MPP1: variants seen among roughly 807,000 people sequenced by gnomAD.
MPP1 encodes 55 kDa erythrocyte membrane protein.
MPP1 carries 6 observed loss-of-function variants against 38.2 expected under a neutral mutation model. The ratio of observed to expected loss-of-function variants is 0.16; its 90% CI spans 0.09 to 0.31. The LOEUF is 0.31. MPP1 is among the 10% of genes least tolerant of loss of function. MPP1 has a pLI of 1.00. For synonymous variants in MPP1, 153 were observed against 146.3 expected, an observed-to-expected ratio of 1.05 and a Z score of -0.33; for missense variants, 293 against 368.9, an observed-to-expected ratio of 0.79 and a Z score of 1.69.
chrX:154,786,013 T>A (rs1183683111), intron 6 of MPP1, among the ~76,000 whole-genome samples, 191 bp downstream of exon 6: 1 of 112,006 alleles, frequency 8.9e-6, no homozygotes, highest in African/African-American at 3.3e-5. Flanking sequence ...CTATTTGGGC[T>A]CCCTTGCCTG....
chrX:154,795,178 A>G (rs139070087), intron 1 of MPP1, among the ~76,000 whole-genome samples: 1 of 112,157 alleles, frequency 8.9e-6, no homozygotes, highest in East Asian at 2.8e-4. Context: ...GGTGACCTCA[A>G]ATGAGGGAAG....
intron 6 of MPP1, among the ~76,000 whole-genome samples, chrX:154,785,972 G>A (rs1382533527): frequency 8.9e-6 from 1 of 111,926 alleles, no homozygotes; most frequent in Non-Finnish European, 1.9e-5. Flanking sequence ...AAACGTTTAA[G>A]GAAGCAAGAG....
chrX:154,790,966 G>A lies in MPP1; in HGVS notation c.411+17C>T, dbSNP rs782571892. On this transcript the variant is annotated intron_variant, in intron 4 of 11. Transcript: ENST00000369534. ...GGAGACAATGGAAGGTCTTCATCTA[G>A]CATAGAAAATACCCACCATCGCCTT... The A allele has an allele frequency of 4.2e-6, 5 of 1,197,706 alleles. No homozygotes were observed. In the South Asian group the frequency reaches 8.9e-5, roughly 21 times the overall value.
Position 154,790,023 on chromosome X carries a change from C to G in MPP1, c.412-1G>C. ...ATGAGATCATTCCTTTGGTTTCTTT[C>G]TATTAAAAAAAATGGACATAAAATT... On this transcript the variant is annotated splice_acceptor_variant, in intron 4 of 11. Coordinates refer to ENST00000369534, the MANE Select transcript of MPP1 (RefSeq NM_002436.4). LOFTEE classifies it high-confidence loss of function. 1 of 1,163,024 alleles carries G rather than the reference C, an allele frequency of 8.6e-7. No homozygotes were observed. Among genetic ancestry groups the G allele is most frequent in the Non-Finnish European group, 1.2e-6 (1 of 857,298 alleles).
Position 154,805,460 on chromosome X carries a change from G to T in MPP1, c.-87C>A. 1 of 951,688 alleles carries T rather than the reference G, an allele frequency of 1.1e-6. No homozygotes were observed. Among genetic ancestry groups the T allele is most frequent in the Non-Finnish European group, 1.4e-6 (1 of 689,687 alleles). 78.4% of individuals were successfully genotyped at this position (951,688 alleles called of 1,213,427 possible). ...GGCCTGCGGGGCTGCGGAGAAGGCG[G>T]GAGACGCGGTGCGGCTGGGCCAGTC... On this transcript the variant is annotated 5_prime_UTR_variant, in exon 1 of 12. Coordinates refer to ENST00000369534, the MANE Select transcript of MPP1 (RefSeq NM_002436.4).
chrX:154,780,597 G>C (rs2071980662), intron 11 of MPP1, among the ~76,000 whole-genome samples: 1 of 111,556 alleles, frequency 9.0e-6, no homozygotes, highest in Non-Finnish European at 1.9e-5. Flanking sequence ...CTAAGTGTGT[G>C]TGCTCTTGGA....
In MPP1 at chrX:154,781,317, G is replaced by T; in HGVS notation, c.1150-4C>A. 2.4e-6 allele frequency: 2 copies of T among 842,469 alleles called. No individual in the cohort carries two copies. The highest frequency in any genetic ancestry group is 3.1e-6 in the Non-Finnish European group (2 of 642,047). The allele number at this position is 842,469 out of a possible 1,213,427, so 69.4% of individuals were successfully genotyped here. A position where few individuals can be genotyped will look rare whatever the true frequency, so the allele number is the denominator to read the frequency against. On this transcript the variant is annotated splice_region_variant and splice_polypyrimidine_tract_variant and intron_variant, in intron 10 of 11. Transcript: ENST00000369534. Reference sequence around the variant, plus strand: ...CTGTCCGAACAATTTTCAGGGTCTAGAAAAAAAAAAGAAGGGCGGCGGGGA... The same window carrying T: ...CTGTCCGAACAATTTTCAGGGTCTATAAAAAAAAAAGAAGGGCGGCGGGGA...
intron 1 of MPP1, among the ~76,000 whole-genome samples, chrX:154,794,288 G>T (rs1389115547): frequency 1.8e-5 from 2 of 111,580 alleles, no homozygotes; most frequent in Non-Finnish European, 3.8e-5. Flanking sequence ...CAGTCTCACA[G>T]GTGATCACTC....
At chrX:154,803,856 T>G (rs1278446194) in intron 1 of MPP1, among the ~76,000 whole-genome samples, 4 of 112,445 alleles carry the variant, frequency 3.6e-5, no homozygotes, top group Non-Finnish European at 7.5e-5. Flanking sequence ...ATAAATAGAT[T>G]TTTTAAAAAT....
Position 154,790,003 on chromosome X carries a change from A to G in MPP1, c.431T>C (p.Ile144Thr). 1 of 1,194,505 alleles carries G rather than the reference A, an allele frequency of 8.4e-7. No homozygotes were observed. The highest frequency in any genetic ancestry group is 1.1e-6 in the Non-Finnish European group (1 of 881,999). ...CTGGTTGGGAATTACTTTTAATGAGATCATTCCTTTGGTTTCTTTCTATTA... is the reference window on the plus strand; with the variant it reads ...CTGGTTGGGAATTACTTTTAATGAGGTCATTCCTTTGGTTTCTTTCTATTA... ...QKAMKETKGM[I>T]SLKVIPNQQS... Residue 144 changes from isoleucine to threonine, a missense_variant, in exon 5 of 12, where the codon ATC (isoleucine) becomes ACC (threonine). Transcript: ENST00000369534.
chrX:154,778,874 G>A lies in MPP1; in HGVS notation c.*303C>T. On this transcript the variant is annotated 3_prime_UTR_variant, in exon 12 of 12. Transcript: ENST00000369534. Reference sequence around the variant, plus strand: ...AAAGGAGGGCAGGCTTTAGAGGGATGGGGTCCATTGCTTTTGCTGTGCATC... The same window carrying A: ...AAAGGAGGGCAGGCTTTAGAGGGATAGGGTCCATTGCTTTTGCTGTGCATC... 3.4e-6 allele frequency: 1 copy of A among 293,869 alleles called. No homozygotes were observed. The highest frequency in any genetic ancestry group is 5.9e-6 in the Non-Finnish European group (1 of 168,418). 24.2% of individuals were successfully genotyped at this position (293,869 alleles called of 1,213,427 possible).
Position 154,779,042 on chromosome X carries a change from C to T in MPP1, c.*135G>A. 1.6e-6 allele frequency: 1 copy of T among 610,473 alleles called. No homozygotes were observed. The highest frequency in any genetic ancestry group is 3.7e-5 in the South Asian group (1 of 26,899). 50.3% of individuals were successfully genotyped at this position (610,473 alleles called of 1,213,427 possible). The stretch of plus-strand genomic sequence containing the variant: ...GAGCAAGAAGACTGAACCTTACTGG[C>T]TGAATTAGGATAGCTGCAGAGAGCT... On this transcript the variant is annotated 3_prime_UTR_variant, in exon 12 of 12. Transcript: ENST00000369534.
At chrX:154,785,019 G>A in intron 7 of MPP1, 32 bp downstream of exon 7, 1 of 1,175,483 alleles carries the variant, frequency 8.5e-7, no homozygotes, top group East Asian at 3.0e-5. Context: ...ATGCTGCCAG[G>A]AACCTGGGGC....
intron 11 of MPP1, 110 bp from the exon 12 acceptor site, chrX:154,779,463 C>A: frequency 2.9e-6 from 2 of 685,956 alleles, no homozygotes; most frequent in Non-Finnish European, 4.3e-6. Context: ...GTGCATCATA[C>A]TTGACGAGTC....
At chrX:154,791,671 C>T (rs781929480) in intron 3 of MPP1, 98 bp downstream of exon 3, 57 of 793,838 alleles carry the variant, frequency 7.2e-5, no homozygotes, top group Non-Finnish European at 1.0e-4. Flanking sequence ...AAAATGCTAC[C>T]AGTTTGGAGG....
At position 154,785,123 on chromosome X, in the gene MPP1, C is replaced by T. The variant is rs146674414; in HGVS notation, c.712G>A (p.Glu238Lys). The T allele has an allele frequency of 5.0e-6, 6 of 1,206,747 alleles. No individual in the cohort carries two copies. Among genetic ancestry groups the T allele is most frequent in the African/African-American group, 3.5e-5 (2 of 56,686 alleles). Residue 238 changes from glutamate to lysine, a missense_variant, in exon 7 of 12, where the codon GAA (glutamate) becomes AAA (lysine). Glu to Lys is a moderately conservative substitution (Grantham distance 56). Transcript: ENST00000369534. ...VASMAQSAPS[E>K]APSCSPFGKK... The stretch of plus-strand genomic sequence containing the variant: ...CCAAAGGGACTGCAGCTCGGGGCTT[C>T]GCTAGGAGCTGACTGAGCCATACTT...
At position 154,789,998 on chromosome X, in the gene MPP1, A is replaced by T. The variant is rs782274702; in HGVS notation, c.436T>A (p.Leu146Ile). The change falls in exon 5 of 12, where the codon TTA becomes ATA. Residue 146 changes from leucine to isoleucine, a missense_variant. Leu to Ile is a conservative substitution (Grantham distance 5). Coordinates refer to ENST00000369534, the MANE Select transcript of MPP1 (RefSeq NM_002436.4). ...CTTTGCTGGTTGGGAATTACTTTTA[A>T]TGAGATCATTCCTTTGGTTTCTTTC... is the stretch of plus-strand genomic sequence containing the variant. The part of the protein sequence containing the change: ...AMKETKGMIS[L>I]KVIPNQQSRL... 1.8e-5 allele frequency: 22 copies of T among 1,196,849 alleles called. No homozygotes were observed. The highest frequency in any genetic ancestry group is 2.3e-5 in the Non-Finnish European group (20 of 884,880).
At chrX:154,801,528 G>A (rs2072260823) in intron 1 of MPP1, among the ~76,000 whole-genome samples, 1 of 110,135 alleles carries the variant, frequency 9.1e-6, no homozygotes, top group African/African-American at 3.3e-5. Context: ...GGAGGCCGAG[G>A]CAGGCGGATC....
intron 8 of MPP1, 67 bp from the exon 9 acceptor site, chrX:154,783,574 C>G: frequency 1.1e-6 from 1 of 949,770 alleles, no homozygotes; most frequent in Non-Finnish European, 1.5e-6. Context: ...TACGGATTTT[C>G]CTCTCTCGGC....
Sources: allele counts gnomAD v4.1 joint callset (sites outside exome capture counted in the v4.1 genomes callset), GRCh38; gene constraint gnomAD v4.1.1; transcripts MANE v1.5; gene names NCBI Gene and HGNC (gene_info 2026-07-23, HGNC 2026-07-21).